SV2B: variants seen among roughly 807,000 people sequenced by gnomAD.
The protein encoded by SV2B is solute carrier family 22 member B2.
SV2B carries 41 observed loss-of-function variants against 73.9 expected under a neutral mutation model. The ratio of observed to expected loss-of-function variants is 0.56; its 90% CI spans 0.43 to 0.72. The LOEUF (loss-of-function observed/expected upper bound fraction) is 0.72. Among genes scored for constraint, SV2B ranks in the 30% least tolerant of loss-of-function variants. The pLI is 0.00. For synonymous variants in SV2B, 314 were observed against 314.2 expected (o/e 1.00, Z 0.01); for missense variants, 764 against 857.8 (o/e 0.89, Z 1.37).
In SV2B at chr15:91,295,637, C is replaced by T. The variant is rs1009017081; in HGVS notation, c.*3085C>T. On this transcript the variant is annotated 3_prime_UTR_variant, in exon 13 of 13. Coordinates refer to ENST00000394232, the MANE Select transcript of SV2B (RefSeq NM_001323032.3). ...TGCTCTCATGACAGTTCTGGGGAAG[C>T]CTGCAGTTTGGGGAATGGGACAATG... The T allele has an allele frequency of 9.9e-5, 15 of 152,136 alleles. No individual in the cohort carries two copies. The highest frequency in any genetic ancestry group is 3.6e-4 in the African/African-American group (15 of 41,418). The allele number at this position is 152,136 out of a possible 1,614,324, so 9.4% of individuals were successfully genotyped here.
chr15:91,119,647 A>C (rs1433574552), intron 1 of SV2B, among the ~76,000 whole-genome samples: 1 of 152,258 alleles, frequency 6.6e-6, no homozygotes, highest in Non-Finnish European at 1.5e-5. Flanking sequence ...TATAAATGAT[A>C]AAGCTCTTCA....
At chr15:91,185,466 T>A (rs1849337434) in intron 1 of SV2B, among the ~76,000 whole-genome samples, 1 of 152,178 alleles carries the variant, frequency 6.6e-6, no homozygotes, top group African/African-American at 2.4e-5. Flanking sequence ...GCTGTCTCCA[T>A]CACATTGATG....
At chr15:91,108,017 G>T (rs918398225) in intron 1 of SV2B, among the ~76,000 whole-genome samples, 1 of 152,066 alleles carries the variant, frequency 6.6e-6, no homozygotes, top group Non-Finnish European at 1.5e-5. Context: ...TGTGGTGGTG[G>T]TGATGATGAT....
Position 91,221,197 on chromosome 15 carries a change from A to G in SV2B, c.-391-4676A>G, listed in dbSNP as rs2046199843. On this transcript the variant is annotated intron_variant, in intron 1 of 12. Coordinates refer to ENST00000394232, the MANE Select transcript of SV2B (RefSeq NM_001323032.3). Reference sequence around the variant, plus strand: ...TATGATGACCACAACAATAATAGCTATTAGATCGGATTTAAATTGATCACA... The same window carrying G: ...TATGATGACCACAACAATAATAGCTGTTAGATCGGATTTAAATTGATCACA... Among the ~76,000 whole-genome samples the G allele has an allele frequency of 2.0e-5, 3 of 152,176 alleles. No individual in the cohort carries two copies. In the South Asian group the frequency reaches 6.2e-4, roughly 32 times the overall value.
chr15:91,100,008 G>C (rs1412283011), upstream of SV2B: 1 of 152,308 alleles, frequency 6.6e-6, no homozygotes, highest in African/African-American at 2.4e-5. The surrounding 1 kb of genome is among the most constrained non-coding windows in gnomAD (Gnocchi z 6.4). Context: ...CCTTCCCTCT[G>C]AGCTATCTCC....
At chr15:91,201,948 C>T (rs1328720353) in intron 1 of SV2B, among the ~76,000 whole-genome samples, 3 of 152,206 alleles carry the variant, frequency 2.0e-5, no homozygotes, top group Admixed American at 6.5e-5. Context: ...CCAGGTGATC[C>T]TTTTAAGATT....
chr15:91,216,145 A>T (rs981799670), intron 1 of SV2B, among the ~76,000 whole-genome samples: 1 of 152,202 alleles, frequency 6.6e-6, no homozygotes, highest in African/African-American at 2.4e-5. Context: ...CAATTGTTGG[A>T]AGCCTCAAAG....
In SV2B at chr15:91,242,346, C is replaced by T. The variant is rs534077133; in HGVS notation, c.452-9473C>T. On this transcript the variant is annotated intron_variant, in intron 2 of 12. Coordinates refer to ENST00000394232, the MANE Select transcript of SV2B (RefSeq NM_001323032.3). This position sits in a 1 kb window ranked among gnomAD's most constrained non-coding sequence, Gnocchi z 4.9. The stretch of plus-strand genomic sequence containing the variant: ...GTCTGCTTTCATTACCACCTTTCCT[C>T]TGGATGCCACCTTTAAAATGCATCC... Among the ~76,000 whole-genome samples the T allele has an allele frequency of 2.5e-3, 377 of 152,324 alleles. 1 individual carries two copies. The highest frequency in any genetic ancestry group is 8.6e-3 in the African/African-American group (356 of 41,568).
chr15:91,248,211 C>T (rs897686521), intron 2 of SV2B, among the ~76,000 whole-genome samples: 5 of 152,118 alleles, frequency 3.3e-5, no homozygotes, highest in Non-Finnish European at 7.3e-5. Context: ...GTCCCAGCTA[C>T]TAGGGAGGCT....
chr15:91,168,993 T>G (rs1192367884), intron 1 of SV2B, among the ~76,000 whole-genome samples: 1 of 152,228 alleles, frequency 6.6e-6, no homozygotes, highest in African/African-American at 2.4e-5. Context: ...TGAATTCCCC[T>G]AGTTAGTCCA....
chr15:91,275,153 T>C (rs1045304913), intron 9 of SV2B, among the ~76,000 whole-genome samples: 14 of 152,196 alleles, frequency 9.2e-5, no homozygotes, highest in African/African-American at 3.1e-4. Context: ...GGTTGAATTA[T>C]AGCCTATCAT....
At position 91,220,965 on chromosome 15, in the gene SV2B, G is replaced by A. The variant is rs1454605598; in HGVS notation, c.-391-4908G>A. Among the ~76,000 whole-genome samples, 5 of 152,148 alleles carry A rather than the reference G, an allele frequency of 3.3e-5. No individual in the cohort carries two copies. Among genetic ancestry groups the A allele is most frequent in the African/African-American group, 1.2e-4 (5 of 41,422 alleles). ...TGCAACCTCCGCCTCCTGGGATCAA[G>A]TGATCTTCCTTCCTCTGCCTCCTGA... On this transcript the variant is annotated intron_variant, in intron 1 of 12. Coordinates refer to ENST00000394232, the MANE Select transcript of SV2B (RefSeq NM_001323032.3). This position sits in a 1 kb window ranked among gnomAD's most constrained non-coding sequence, Gnocchi z 4.1.
In SV2B at chr15:91,121,910, G is replaced by GACT. The variant is rs1341943378; in HGVS notation, c.-392+21550_-392+21552dup. Among the ~76,000 whole-genome samples the GACT allele has an allele frequency of 1.3e-5, 2 of 151,976 alleles. No individual in the cohort carries two copies. The highest frequency in any genetic ancestry group is 2.9e-5 in the Non-Finnish European group (2 of 68,002). ...CTGCCTCAGCCTCCCGAGTAGCTGGGACTACAGGTGCCTGCCACCACCCCC... is the reference window on the plus strand; with the variant it reads ...CTGCCTCAGCCTCCCGAGTAGCTGGGACTACTACAGGTGCCTGCCACCACCCCC... On this transcript the variant is annotated intron_variant, in intron 1 of 12. Coordinates refer to ENST00000394232, the MANE Select transcript of SV2B (RefSeq NM_001323032.3). The surrounding 1 kb of genome is among the most constrained non-coding windows in gnomAD (Gnocchi z 4.4).
intron 2 of SV2B, among the ~76,000 whole-genome samples, chr15:91,238,880 C>T (rs536741841): frequency 1.1e-3 from 161 of 152,098 alleles, no homozygotes; most frequent in African/African-American, 3.4e-3. Context: ...GCCAGCAACC[C>T]GGTCAGACAG....
rs77155037 is a variant in SV2B at position 91,214,823 on chromosome 15, C to A, written c.-391-11050C>A. On this transcript the variant is annotated intron_variant, in intron 1 of 12. Transcript: ENST00000394232. This position sits in a 1 kb window ranked among gnomAD's most constrained non-coding sequence, Gnocchi z 4.7. ...ACTCCTTAGTCCATGGCTATAGCCA[C>A]AGTGGTTCTCCTCGTTCTTTCTGCT... Among the ~76,000 whole-genome samples the A allele has an allele frequency of 0.011, 1,617 of 152,298 alleles. 40 individuals are homozygous for A. In the East Asian group the frequency reaches 0.11, roughly 11 times the overall value.
intron 1 of SV2B, among the ~76,000 whole-genome samples, chr15:91,174,924 C>G (rs1005054584): frequency 6.6e-6 from 1 of 152,128 alleles, no homozygotes; most frequent in Non-Finnish European, 1.5e-5. Flanking sequence ...GACTTCTATT[C>G]TGAGGGTCAT....
chr15:91,248,916 G>A (rs62026593), intron 2 of SV2B, among the ~76,000 whole-genome samples: 17,758 of 152,140 alleles, frequency 0.12, 1,149 homozygotes, highest in Middle Eastern at 0.14. Context: ...AGGGTGTGGG[G>A]TGTGGAGACT....
At position 91,226,733 on chromosome 15, in the gene SV2B, T is replaced by G; in HGVS notation, c.451+19T>G. The stretch of plus-strand genomic sequence containing the variant: ...ATGCTAGGTAAGTGGAAATTTCCAA[T>G]GATCCCTCCAATGAAAGGGAAGGAG... On this transcript the variant is annotated intron_variant, in intron 2 of 12. Transcript: ENST00000394232. The G allele has an allele frequency of 1.3e-6, 2 of 1,595,642 alleles. No individual in the cohort carries two copies. The highest frequency in any genetic ancestry group is 1.7e-6 in the Non-Finnish European group (2 of 1,177,692).
chr15:91,227,019 C>T lies in SV2B; in HGVS notation c.451+305C>T, dbSNP rs1385660972. Among the ~76,000 whole-genome samples the T allele has an allele frequency of 1.3e-5, 2 of 152,144 alleles. No individual in the cohort carries two copies. The highest frequency in any genetic ancestry group is 2.9e-5 in the Non-Finnish European group (2 of 68,032). ...TAAACCTTCTTCGATGTCCAAATGA[C>T]AAATACATTTTGGGAGTGGCAAATG... is the stretch of plus-strand genomic sequence containing the variant. On this transcript the variant is annotated intron_variant, in intron 2 of 12. Transcript: ENST00000394232. The surrounding 1 kb of genome is among the most constrained non-coding windows in gnomAD (Gnocchi z 4.5).
Sources: allele counts gnomAD v4.1 joint callset (sites outside exome capture counted in the v4.1 genomes callset), GRCh38; gene constraint gnomAD v4.1.1; non-coding constraint Gnocchi (gnomAD v3.1); transcripts MANE v1.5; gene names NCBI Gene and HGNC (gene_info 2026-07-23, HGNC 2026-07-21).